MINK1: variants seen among roughly 807,000 people sequenced by gnomAD.
MINK1 encodes misshapen-like kinase 1.
A neutral mutation model predicts 178.4 loss-of-function variants in MINK1; 46 were observed. That is an observed-to-expected ratio of 0.26 (90% CI 0.20 to 0.33). The LOEUF (loss-of-function observed/expected upper bound fraction) is 0.33. Ranked by LOEUF, MINK1 falls within the 10% of genes least tolerant of loss-of-function variation. The pLI, the probability that MINK1 is intolerant of heterozygous loss-of-function variation, is 1.00. For missense variants in MINK1, 1,366 were observed against 1,814.9 expected (o/e 0.75, Z 4.49); for synonymous variants, 797 against 709.7 (o/e 1.12, Z -1.96).
Position 4,895,943 on chromosome 17 carries a change from G to T in MINK1, c.3365-60G>T. The stretch of plus-strand genomic sequence containing the variant: ...TGGGGCAGTGTAGTGACAGACCACG[G>T]GGAGGCGCCCGTGGCGCAAGAAGGG... On this transcript the variant is annotated intron_variant, in intron 27 of 31. Coordinates refer to ENST00000355280, the MANE Select transcript of MINK1 (RefSeq NM_153827.5). The surrounding 1 kb of genome is among the most constrained non-coding windows in gnomAD (Gnocchi z 4.3). The T allele has an allele frequency of 6.4e-7, 1 of 1,569,192 alleles. No individual in the cohort carries two copies. The highest frequency in any genetic ancestry group is 1.7e-4 in the Middle Eastern group (1 of 5,964).
intron 1 of MINK1, among the ~76,000 whole-genome samples, chr17:4,863,675 G>A (rs1003036437): frequency 6.6e-6 from 1 of 152,144 alleles, no homozygotes; most frequent in African/African-American, 2.4e-5. Flanking sequence ...TGTGAAATGA[G>A]TATAACAATA....
intron 1 of MINK1, chr17:4,874,958 C>G (rs556896387): frequency 7.5e-5 from 35 of 467,362 alleles, no homozygotes; most frequent in African/African-American, 7.0e-4. Context: ...GGTGACAGAT[C>G]ATTATGGCTC....
At chr17:4,863,146 G>C (rs1165296183) in intron 1 of MINK1, among the ~76,000 whole-genome samples, 1 of 152,230 alleles carries the variant, frequency 6.6e-6, no homozygotes, top group East Asian at 1.9e-4. Flanking sequence ...AGCCCAGACA[G>C]TTCCTTGGAA....
In MINK1 at chr17:4,897,191, C is replaced by T. The variant is rs753654812; in HGVS notation, c.3916-13C>T. The T allele has an allele frequency of 3.1e-6, 5 of 1,612,064 alleles. No homozygotes were observed. Among genetic ancestry groups the T allele is most frequent in the South Asian group, 1.1e-5 (1 of 90,722 alleles). ...CCTCAGCCCTTGGTGACTTCTTCTC[C>T]TGCCCCACCCAGGTGTTTTTTGCCT... is the stretch of plus-strand genomic sequence containing the variant. On this transcript the variant is annotated splice_polypyrimidine_tract_variant and intron_variant, in intron 31 of 31. Transcript: ENST00000355280.
At chr17:4,892,356 A>T (rs1240267535) in intron 17 of MINK1, 46 bp from the exon 18 acceptor site, 2 of 1,455,300 alleles carry the variant, frequency 1.4e-6, no homozygotes, top group East Asian at 5.0e-5. Flanking sequence ...CCATCACCTC[A>T]GCGCCCCCCC....
intron 1 of MINK1, among the ~76,000 whole-genome samples, chr17:4,844,280 T>C (rs1910677610): frequency 6.6e-6 from 1 of 152,152 alleles, no homozygotes; most frequent in Non-Finnish European, 1.5e-5. Flanking sequence ...GGATTACAAA[T>C]GTGAGCCACC....
Position 4,880,967 on chromosome 17 carries a change from A to G in MINK1, c.124-17A>G, listed in dbSNP as rs1967648829. ...CTCCACCCTCTGAGCATAGACTCAGATCCCTCTGTCCCGCAGGGTCGGCAT... is the reference window on the plus strand; with the variant it reads ...CTCCACCCTCTGAGCATAGACTCAGGTCCCTCTGTCCCGCAGGGTCGGCAT... On this transcript the variant is annotated splice_polypyrimidine_tract_variant and intron_variant, in intron 2 of 31. Transcript: ENST00000355280. The G allele has an allele frequency of 6.8e-7, 1 of 1,480,762 alleles. No homozygotes were observed. The highest frequency in any genetic ancestry group is 1.3e-5 in the South Asian group (1 of 75,264). The allele number at this position is 1,480,762 out of a possible 1,614,324, so 91.7% of individuals were successfully genotyped here. A position where few individuals can be genotyped will look rare whatever the true frequency, so the allele number is the denominator to read the frequency against.
At position 4,885,943 on chromosome 17, in the gene MINK1, C is replaced by T. The variant is rs773512928; in HGVS notation, c.672C>T (p.Ile224=). Residue 224 remains isoleucine, a synonymous_variant, in exon 8 of 32, where the codon ATC becomes ATT. Coordinates refer to ENST00000355280, the MANE Select transcript of MINK1 (RefSeq NM_153827.5). The surrounding 1 kb of genome is among the most constrained non-coding windows in gnomAD (Gnocchi z 5.0). ...TTTGGTCTCTAGGAATCACAGCCAT[C>T]GAGATGGCAGAGGGAGCCCCCCGTA... ...SDIWSLGITA[I]EMAEGAPPLC... 2.1e-5 allele frequency: 34 copies of T among 1,613,644 alleles called. No individual in the cohort carries two copies. The highest frequency in any genetic ancestry group is 2.5e-5 in the Non-Finnish European group (30 of 1,179,836).
chr17:4,866,120 AGTC>A (rs1914916288), intron 1 of MINK1, among the ~76,000 whole-genome samples: 2 of 152,192 alleles, frequency 1.3e-5, no homozygotes, highest in South Asian at 4.1e-4. Context: ...AGGAATTAAT[AGTC>A]GTTAGGTTGG....
At chr17:4,852,627 C>T (rs1212339508) in intron 1 of MINK1, among the ~76,000 whole-genome samples, 1 of 149,214 alleles carries the variant, frequency 6.7e-6, no homozygotes, top group African/African-American at 2.5e-5. Context: ...AACCAAAAGG[C>T]ACCAGCATGA....
In MINK1 at chr17:4,896,013, G is replaced by T. The variant is rs1050258954; in HGVS notation, c.3375G>T (p.Glu1125Asp). ...CTCTCCCGCCCCCAGTGAAATACGA[G>T]CGGATTAAGTTCCTGGTCATCGCCC... ...GCGHYRVVKY[E>D]RIKFLVIALK... The change falls in exon 28 of 32, where the codon GAG (glutamate) becomes GAT (aspartate). Residue 1125 changes from glutamate to aspartate, a missense_variant. This residue lies in a region of MINK1 where 77 missense variants were observed against 119.5 expected (regional missense o/e 0.64). Coordinates refer to ENST00000355280, the MANE Select transcript of MINK1 (RefSeq NM_153827.5). The surrounding 1 kb of genome is among the most constrained non-coding windows in gnomAD (Gnocchi z 4.6). The T allele has an allele frequency of 2.5e-6, 4 of 1,598,118 alleles. No homozygotes were observed. The African/African-American group carries it at 4.0e-5, about 16-fold the overall frequency.
chr17:4,895,973 C>A lies in MINK1; in HGVS notation c.3365-30C>A. ...GCGCCCGTGGCGCAAGAAGGGAAGT[C>A]TCAGCATCCCTCTTCTCTCCCGCCC... On this transcript the variant is annotated intron_variant, in intron 27 of 31. Coordinates refer to ENST00000355280, the MANE Select transcript of MINK1 (RefSeq NM_153827.5). The surrounding 1 kb of genome is among the most constrained non-coding windows in gnomAD (Gnocchi z 4.3). 1 of 1,573,908 alleles carries A rather than the reference C, an allele frequency of 6.4e-7. No individual in the cohort carries two copies. Among genetic ancestry groups the A allele is most frequent in the Non-Finnish European group, 8.6e-7 (1 of 1,159,634 alleles).
rs1259794617 is a variant in MINK1, at chr17:4,836,723, C to T, written c.57+3083C>T. Among the ~76,000 whole-genome samples, 1 of 152,134 alleles carries T rather than the reference C, an allele frequency of 6.6e-6. No individual in the cohort carries two copies. The highest frequency in any genetic ancestry group is 1.5e-5 in the Non-Finnish European group (1 of 68,036). Reference sequence around the variant, plus strand: ...TTTTGCAGTTATTTTTATCAAATGGCAATCAGAGAAGCCTTCCAGGACAAC... The same window carrying T: ...TTTTGCAGTTATTTTTATCAAATGGTAATCAGAGAAGCCTTCCAGGACAAC... On this transcript the variant is annotated intron_variant, in intron 1 of 31. Coordinates refer to ENST00000355280, the MANE Select transcript of MINK1 (RefSeq NM_153827.5). This position sits in a 1 kb window ranked among gnomAD's most constrained non-coding sequence, Gnocchi z 4.3.
At chr17:4,856,107 C>T (rs1328097644) in intron 1 of MINK1, among the ~76,000 whole-genome samples, 2 of 152,120 alleles carry the variant, frequency 1.3e-5, no homozygotes, top group African/African-American at 4.8e-5. Context: ...CTCCTTCTCT[C>T]GCCATAGGAA....
chr17:4,843,575 T>G (rs1026346977), intron 1 of MINK1, among the ~76,000 whole-genome samples: 2 of 152,146 alleles, frequency 1.3e-5, no homozygotes, highest in South Asian at 4.1e-4. Context: ...CAAAGATTGC[T>G]GTGATAAAGT....
At position 4,833,599 on chromosome 17, in the gene MINK1, C is replaced by T; in HGVS notation, c.16C>T (p.Pro6Ser). The change falls in exon 1 of 32, where the codon CCC becomes TCC. Residue 6 changes from proline to serine, a missense_variant. Coordinates refer to ENST00000355280, the MANE Select transcript of MINK1 (RefSeq NM_153827.5). This position sits in a 1 kb window ranked among gnomAD's most constrained non-coding sequence, Gnocchi z 4.8. Reference protein sequence around the residue: MGDPAPARSLDDIDLS... With the variant: MGDPASARSLDDIDLS... The stretch of plus-strand genomic sequence containing the variant: ...CACGGAGGCCATGGGCGACCCAGCC[C>T]CCGCCCGCAGCCTGGACGACATCGA... The T allele has an allele frequency of 1.3e-6, 2 of 1,500,540 alleles. No individual in the cohort carries two copies. The highest frequency in any genetic ancestry group is 1.8e-6 in the Non-Finnish European group (2 of 1,131,270). 93.0% of individuals were successfully genotyped at this position (1,500,540 alleles called of 1,614,324 possible). A position where few individuals can be genotyped will look rare whatever the true frequency, so the allele number is the denominator to read the frequency against.
At chr17:4,881,707 G>C (rs140210590) in intron 4 of MINK1, among the ~76,000 whole-genome samples, 22 of 152,358 alleles carry the variant, frequency 1.4e-4, no homozygotes, top group Non-Finnish European at 2.6e-4. Context: ...AGATGCTACA[G>C]AGCACCCAGC....
In MINK1 at chr17:4,894,043, A is replaced by C; in HGVS notation, c.2620A>C (p.Ile874Leu). 1 of 1,589,956 alleles carries C rather than the reference A, an allele frequency of 6.3e-7. No homozygotes were observed. Among genetic ancestry groups the C allele is most frequent in the Non-Finnish European group, 8.6e-7 (1 of 1,167,244 alleles). ...STMVVHDVEE[I>L]TGTQPPYGGG... ...CATGGTGGTCCACGACGTCGAGGAG[A>C]TCACCGGGACCCAGCCCCCATACGG... The change falls in exon 22 of 32, where the codon ATC (isoleucine) becomes CTC (leucine). Residue 874 changes from isoleucine (I) to leucine (L), a missense_variant. Physicochemically the swap from Ile to Leu is conservative, Grantham distance 5 (BLOSUM62 2). Coordinates refer to ENST00000355280, the MANE Select transcript of MINK1 (RefSeq NM_153827.5). The surrounding 1 kb of genome is among the most constrained non-coding windows in gnomAD (Gnocchi z 4.1).
rs1567625805 is a variant in MINK1, at chr17:4,895,679, A to C, written c.3230-19A>C. 8.1e-6 allele frequency: 13 copies of C among 1,611,754 alleles called. No homozygotes were observed. Among genetic ancestry groups the C allele is most frequent in the Non-Finnish European group, 9.3e-6 (11 of 1,178,964 alleles). On this transcript the variant is annotated intron_variant, in intron 26 of 31. Transcript: ENST00000355280. This position sits in a 1 kb window ranked among gnomAD's most constrained non-coding sequence, Gnocchi z 4.3. ...CAGATGAGAATGGGGGCGGGTGTGT[A>C]TGTCTGTCCGTCCCTCAGGGAAAAG...
Sources: allele counts gnomAD v4.1 joint callset (sites outside exome capture counted in the v4.1 genomes callset), GRCh38; gene constraint gnomAD v4.1.1; regional missense constraint gnomAD v4.1.1; non-coding constraint Gnocchi (gnomAD v3.1); transcripts MANE v1.5; gene names NCBI Gene and HGNC (gene_info 2026-07-23, HGNC 2026-07-21).